SPATA7: variants seen among roughly 807,000 people sequenced by gnomAD.
SPATA7 encodes spermatogenesis associated 7.
In SPATA7, 43 loss-of-function variants were observed where a neutral mutation model predicts 51.8. The ratio of observed to expected loss-of-function variants is 0.83; its 90% CI spans 0.65 to 1.07. The LOEUF is 1.07. SPATA7 is among the 50% of genes least tolerant of loss of function. The pLI, the probability that SPATA7 is intolerant of heterozygous loss-of-function variation, is 0.00. For synonymous variants in SPATA7, 230 were observed against 252.8 expected (o/e 0.91, Z 0.86); for missense variants, 683 against 701.3 (o/e 0.97, Z 0.30).
intron 9 of SPATA7, chr14:88,432,906 T>G: frequency 2.1e-6 from 1 of 470,672 alleles, no homozygotes; most frequent in Non-Finnish European, 3.8e-6. Context: ...ATGTTGCAGA[T>G]ATCTGTGAAA....
chr14:88,433,253 T>A, intron 10 of SPATA7, 41 bp downstream of exon 10: 1 of 1,326,424 alleles, frequency 7.5e-7, no homozygotes, highest in Non-Finnish European at 1.1e-6. Context: ...CAGGAGTACA[T>A]TAAATATTCT....
chr14:88,436,801 C>T (rs75463960), intron 10 of SPATA7, among the ~76,000 whole-genome samples: 3,768 of 152,126 alleles, frequency 0.025, 169 homozygotes, highest in African/African-American at 0.086. Flanking sequence ...GTTTTTATGC[C>T]TGACCATGCT....
rs776259466 is a variant in SPATA7 at position 88,426,666 on chromosome 14, A to G, written c.807A>G (p.Thr269=). 9.3e-6 allele frequency: 15 copies of G among 1,613,594 alleles called. No homozygotes were observed. The highest frequency in any genetic ancestry group is 6.6e-5 in the South Asian group (6 of 91,084). ...YTPAKRKKDF[T]DQRIEAETQT... ...CTGCCAAAAGAAAAAAGGATTTTACAGATCAACGGATAGAAGCTGAAACCC... is the reference window on the plus strand; with the variant it reads ...CTGCCAAAAGAAAAAAGGATTTTACGGATCAACGGATAGAAGCTGAAACCC... The change falls in exon 6 of 12, where the codon ACA becomes ACG. Residue 269 remains threonine (T), a synonymous_variant. Coordinates refer to ENST00000393545, the MANE Select transcript of SPATA7 (RefSeq NM_018418.5).
At chr14:88,413,010 T>G (rs2076383753) in intron 4 of SPATA7, among the ~76,000 whole-genome samples, 1 of 152,086 alleles carries the variant, frequency 6.6e-6, no homozygotes, top group Non-Finnish European at 1.5e-5. Context: ...ATGCCTCCAG[T>G]TTTGTTCTTT....
intron 4 of SPATA7, among the ~76,000 whole-genome samples, chr14:88,407,668 A>G (rs968316171): frequency 2.6e-5 from 4 of 152,168 alleles, no homozygotes; most frequent in Admixed American, 2.6e-4. Context: ...TGTTTTAGTC[A>G]TGAAGTCTGT....
rs144932663 is a variant in SPATA7 at position 88,427,027 on chromosome 14, G to A, written c.845+323G>A. Among the ~76,000 whole-genome samples, 321 of 152,264 alleles carry A rather than the reference G, an allele frequency of 2.1e-3. 4 individuals carry two copies. The highest frequency in any genetic ancestry group is 7.3e-3 in the African/African-American group (304 of 41,554). On this transcript the variant is annotated intron_variant, in intron 6 of 11. Transcript: ENST00000393545. ...AATAGGTCATCAGACAGCATTTGTG[G>A]AAATATGCATATTGATTCATGTTAA... is the stretch of plus-strand genomic sequence containing the variant.
chr14:88,453,562 C>T (rs1016179267), intron 3 of SPATA7, among the ~76,000 whole-genome samples: 2 of 152,134 alleles, frequency 1.3e-5, no homozygotes, highest in Non-Finnish European at 2.9e-5. Context: ...TTTCTCAGAC[C>T]TCACGGGGAT....
chr14:88,437,112 G>T (rs2077111209), intron 10 of SPATA7, among the ~76,000 whole-genome samples: 1 of 150,304 alleles, frequency 6.7e-6, no homozygotes. Context: ...TTGTTCATTG[G>T]TGTTTTATAC....
chr14:88,442,056 C>T (rs538729604), downstream of SPATA7, among the ~76,000 whole-genome samples: 47 of 152,240 alleles, frequency 3.1e-4, no homozygotes, highest in African/African-American at 1.1e-3. Flanking sequence ...TTCTTCTACA[C>T]GTGGCTTACC....
At chr14:88,401,679 A>T (rs1264623763) in intron 4 of SPATA7, among the ~76,000 whole-genome samples, 1 of 151,868 alleles carries the variant, frequency 6.6e-6, no homozygotes, top group African/African-American at 2.4e-5. Flanking sequence ...AAAATAAAAA[A>T]ACTAAAAATT....
chr14:88,468,789 T>C, intron 4 of SPATA7: 6 of 1,138,118 alleles, frequency 5.3e-6, no homozygotes, highest in Non-Finnish European at 7.7e-6. Context: ...CAGGGAACAT[T>C]AGTAACATCT....
intron 4 of SPATA7, among the ~76,000 whole-genome samples, chr14:88,398,322 C>T (rs1182914115): frequency 6.6e-6 from 1 of 151,748 alleles, no homozygotes; most frequent in Non-Finnish European, 1.5e-5. Context: ...AGTTCATGTC[C>T]TTTGTAGGGA....
chr14:88,460,085 G>T (rs2077307844), downstream of SPATA7, among the ~76,000 whole-genome samples: 1 of 152,336 alleles, frequency 6.6e-6, no homozygotes, highest in East Asian at 1.9e-4. Flanking sequence ...TTCGCCGTTA[G>T]TCTGATGGTC....
intron 4 of SPATA7, among the ~76,000 whole-genome samples, chr14:88,397,186 A>C (rs1240204375): frequency 6.6e-6 from 1 of 152,166 alleles, no homozygotes; most frequent in Non-Finnish European, 1.5e-5. Context: ...CACTGCACCC[A>C]GTGACCATAT....
At chr14:88,450,116 T>C (rs1021698937) in intron 3 of SPATA7, among the ~76,000 whole-genome samples, 1 of 152,094 alleles carries the variant, frequency 6.6e-6, no homozygotes, top group Non-Finnish European at 1.5e-5. Context: ...ATTCAAGATA[T>C]TCCATCCAAA....
At chr14:88,393,341 C>T (rs2075793475) in intron 2 of SPATA7, 52 bp from the exon 3 acceptor site, 10 of 1,250,116 alleles carry the variant, frequency 8.0e-6, no homozygotes, top group Non-Finnish European at 1.1e-5. Context: ...TTGTTTATCT[C>T]ATGATTTTTA....
intron 4 of SPATA7, chr14:88,414,859 G>T: frequency 4.7e-6 from 1 of 211,456 alleles, no homozygotes; most frequent in Non-Finnish European, 9.8e-6. Flanking sequence ...AAATTATGTG[G>T]TTTTGAGGAG....
In SPATA7 at chr14:88,438,274, A is replaced by G; in HGVS notation, c.1652A>G (p.Glu551Gly). 1 of 1,614,134 alleles carries G rather than the reference A, an allele frequency of 6.2e-7. No homozygotes were observed. The highest frequency in any genetic ancestry group is 8.5e-7 in the Non-Finnish European group (1 of 1,180,010). The change falls in exon 12 of 12, where the codon GAG becomes GGG. Residue 551 changes from glutamate (E) to glycine (G), a missense_variant. By Grantham distance (98) the Glu-to-Gly change is moderately conservative. Transcript: ENST00000393545. Reference protein sequence around the residue: ...IEGDSDPEKVEISNGLCGLNT... With the variant: ...IEGDSDPEKVGISNGLCGLNT... The stretch of plus-strand genomic sequence containing the variant: ...GGTGATAGTGACCCTGAAAAGGTTG[A>G]GATTTCAAATGGATTATGTGGTCTT...
exon 5 of SPATA7, chr14:88,470,114 G>C: frequency 6.6e-7 from 1 of 1,523,854 alleles, no homozygotes; most frequent in Non-Finnish European, 9.0e-7. Context: ...ATGTATGCAT[G>C]CATTCATGGT....
Sources: allele counts gnomAD v4.1 joint callset (sites outside exome capture counted in the v4.1 genomes callset), GRCh38; gene constraint gnomAD v4.1.1; transcripts MANE v1.5; gene names NCBI Gene and HGNC (gene_info 2026-07-23, HGNC 2026-07-21).